The following PPIP5K2 variants were observed in gnomAD, a reference collection of about 807,000 sequenced individuals.
PPIP5K2 encodes the protein inositol hexakisphosphate and diphosphoinositol-pentakisphosphate kinase 2.
PPIP5K2 carries 105 observed loss-of-function variants against 154.6 expected under a neutral mutation model. The observed-to-expected ratio is 0.68, with a 90% CI of 0.58 to 0.80. PPIP5K2 has a LOEUF of 0.80. PPIP5K2 is among the 30% of genes least tolerant of loss of function. The pLI, the probability that PPIP5K2 is intolerant of heterozygous loss-of-function variation, is 0.00. For missense variants in PPIP5K2, 992 were observed against 1,504.6 expected (o/e 0.66, Z 5.64); for synonymous variants, 480 against 490.3 (o/e 0.98, Z 0.28).
At chr5:103,148,178 C>T (rs782814458) in intron 7 of PPIP5K2, 146 bp downstream of exon 7, 5 of 703,972 alleles carry the variant, frequency 7.1e-6, no homozygotes, top group African/African-American at 7.1e-5. Context: ...GTAACAACAA[C>T]ATCTTTAGCA....
intron 14 of PPIP5K2, among the ~76,000 whole-genome samples, chr5:103,156,489 C>T (rs1206359415): frequency 5.9e-5 from 9 of 152,120 alleles, no homozygotes; most frequent in Admixed American, 5.9e-4. Context: ...TTCATAAATG[C>T]ATTTACCTTA....
At chr5:103,138,191 T>G (rs1791898303) in intron 4 of PPIP5K2, among the ~76,000 whole-genome samples, 193 bp from the exon 5 acceptor site, 1 of 152,182 alleles carries the variant, frequency 6.6e-6, no homozygotes, top group African/African-American at 2.4e-5. Context: ...GTGTTCTTAT[T>G]GCTGAATATT....
At chr5:103,143,705 T>A (rs910935593) in intron 5 of PPIP5K2, among the ~76,000 whole-genome samples, 2 of 152,194 alleles carry the variant, frequency 1.3e-5, no homozygotes, top group African/African-American at 4.8e-5. Context: ...TTTCAATTGA[T>A]GGAGAAAAAG....
At chr5:103,173,809 G>A in intron 20 of PPIP5K2, 49 bp from the exon 21 acceptor site, 1 of 1,206,104 alleles carries the variant, frequency 8.3e-7, no homozygotes, top group Non-Finnish European at 1.2e-6. Flanking sequence ...TATTTAGTGA[G>A]TTTTTGATTA....
At chr5:103,165,619 A>G (rs192838664) in intron 17 of PPIP5K2, among the ~76,000 whole-genome samples, 1 of 152,246 alleles carries the variant, frequency 6.6e-6, no homozygotes, top group Admixed American at 6.5e-5. Context: ...TTTATGGTGA[A>G]GCTTAAGTGA....
At chr5:103,147,830 C>G (rs1793988067) in intron 6 of PPIP5K2, 101 bp from the exon 7 acceptor site, 1 of 711,262 alleles carries the variant, frequency 1.4e-6, no homozygotes, top group East Asian at 2.7e-5. Context: ...TTGAAAATGT[C>G]TAAGATGGAA....
At chr5:103,190,064 G>C (rs1187588181) in intron 28 of PPIP5K2, among the ~76,000 whole-genome samples, 2 of 151,920 alleles carry the variant, frequency 1.3e-5, no homozygotes, top group East Asian at 3.8e-4. Flanking sequence ...TTAAAAAAGT[G>C]AATAACCTAT....
In PPIP5K2 at chr5:103,184,728, G is replaced by A; in HGVS notation, c.3153G>A (p.Lys1051=). The change falls in exon 26 of 31, where the codon AAG becomes AAA. Residue 1051 remains lysine, a synonymous_variant. Coordinates refer to ENST00000358359, the MANE Select transcript of PPIP5K2 (RefSeq NM_001276277.3). Reference sequence around the variant, plus strand: ...CACCAAGAACTCTTGTGGAACAGAAGCAGAATCCTACTGTAGGTATGTGGT... The same window carrying A: ...CACCAAGAACTCTTGTGGAACAGAAACAGAATCCTACTGTAGGTATGTGGT... The part of the protein sequence containing the change: ...LRTPRTLVEQ[K]QNPTVGSHCA... 1.2e-6 allele frequency: 2 copies of A among 1,612,172 alleles called. No individual in the cohort carries two copies. Among genetic ancestry groups the A allele is most frequent in the Non-Finnish European group, 1.7e-6 (2 of 1,178,456 alleles).
intron 29 of PPIP5K2, among the ~76,000 whole-genome samples, chr5:103,192,957 G>T (rs149560817): frequency 6.6e-6 from 1 of 152,246 alleles, no homozygotes; most frequent in African/African-American, 2.4e-5. Flanking sequence ...TCTTCAAACT[G>T]TATTCCCAAG....
At chr5:103,146,073 A>G (rs1037976818) in intron 5 of PPIP5K2, among the ~76,000 whole-genome samples, 1 of 152,072 alleles carries the variant, frequency 6.6e-6, no homozygotes, top group Non-Finnish European at 1.5e-5. Flanking sequence ...CATCTGAAAC[A>G]AGAAACTTTT....
rs549979549 is a variant in PPIP5K2, at chr5:103,124,047, G to A, written c.-285+3559G>A. Among the ~76,000 whole-genome samples the A allele has an allele frequency of 3.9e-5, 6 of 152,208 alleles. No individual in the cohort carries two copies. In the South Asian group the frequency reaches 8.3e-4, roughly 21 times the overall value. The stretch of plus-strand genomic sequence containing the variant: ...TGTAATCCCAGCACTTTGGGAGGCC[G>A]AGGCGGGAGGATCACGAGGTCAGGA... On this transcript the variant is annotated intron_variant, in intron 1 of 30. Coordinates refer to ENST00000358359, the MANE Select transcript of PPIP5K2 (RefSeq NM_001276277.3).
intron 5 of PPIP5K2, among the ~76,000 whole-genome samples, chr5:103,146,058 A>G (rs1446927151): frequency 1.3e-5 from 2 of 152,050 alleles, no homozygotes; most frequent in African/African-American, 2.4e-5. Context: ...ATATAAAGTA[A>G]TCATCATCTG....
chr5:103,193,012 A>G (rs1801478937), intron 29 of PPIP5K2, among the ~76,000 whole-genome samples: 1 of 152,152 alleles, frequency 6.6e-6, no homozygotes, highest in African/African-American at 2.4e-5. Context: ...CTGAATAGTT[A>G]GGGCTTGTGT....
chr5:103,152,965 G>A (rs1050698956), intron 10 of PPIP5K2, among the ~76,000 whole-genome samples: 41 of 151,884 alleles, frequency 2.7e-4, no homozygotes, highest in African/African-American at 9.6e-4. Flanking sequence ...TTATAGAATT[G>A]TTTAATCAAG....
rs569386616 is a variant in PPIP5K2 at position 103,162,551 on chromosome 5, C to G, written c.1920+3223C>G. 5.3e-5 allele frequency among the ~76,000 whole-genome samples: 8 copies of G among 151,896 alleles called. No homozygotes were observed. The East Asian group carries it at 1.6e-3, about 30-fold the overall frequency. On this transcript the variant is annotated intron_variant, in intron 17 of 30. Coordinates refer to ENST00000358359, the MANE Select transcript of PPIP5K2 (RefSeq NM_001276277.3). ...CTAACTTTTTAAATTTTTGTAGAGA[C>G]TGGGTCTCACTGTGTTGCCCAGGCT...
chr5:103,181,472 G>A (rs1799539112), intron 24 of PPIP5K2, among the ~76,000 whole-genome samples: 2 of 151,956 alleles, frequency 1.3e-5, no homozygotes, highest in African/African-American at 4.8e-5. Context: ...GGAGGCTGAG[G>A]CAGGAGAACC....
intron 5 of PPIP5K2, among the ~76,000 whole-genome samples, chr5:103,144,065 A>G (rs1793317310): frequency 6.6e-6 from 1 of 152,178 alleles, no homozygotes; most frequent in Admixed American, 6.5e-5. Flanking sequence ...AACTATTAGA[A>G]CAAGTTCAGT....
intron 17 of PPIP5K2, among the ~76,000 whole-genome samples, chr5:103,166,722 C>A (rs1562453944): frequency 6.6e-6 from 1 of 151,316 alleles, no homozygotes; most frequent in East Asian, 1.9e-4. Context: ...ACAGAGGGAA[C>A]TAGAGAAAAG....
chr5:103,184,678 T>C lies in PPIP5K2; in HGVS notation c.3103T>C (p.Ser1035Pro). The C allele has an allele frequency of 6.2e-7, 1 of 1,610,890 alleles. No homozygotes were observed. Among genetic ancestry groups the C allele is most frequent in the East Asian group, 2.2e-5 (1 of 44,786 alleles). ...TTTTGGATTCCTTATGCAGGTTGTATCTGAAAATGCTAATTACCTGAGAAC... is the reference window on the plus strand; with the variant it reads ...TTTTGGATTCCTTATGCAGGTTGTACCTGAAAATGCTAATTACCTGAGAAC... Reference protein sequence around the residue: ...SIFGSWQQVVSENANYLRTPR... With the variant: ...SIFGSWQQVVPENANYLRTPR... The change falls in exon 26 of 31, where the codon TCT becomes CCT. Residue 1035 changes from serine to proline, a missense_variant. Around this residue, in one of 9 missense-constraint regions of PPIP5K2, gnomAD observed 204 missense variants for 224.0 expected, o/e 0.91. Transcript: ENST00000358359.
Sources: allele counts gnomAD v4.1 joint callset (sites outside exome capture counted in the v4.1 genomes callset), GRCh38; gene constraint gnomAD v4.1.1; regional missense constraint gnomAD v4.1.1; transcripts MANE v1.5; gene names NCBI Gene and HGNC (gene_info 2026-07-23, HGNC 2026-07-21).